Variants in ANKS6 observed in about 807,000 individuals in gnomAD.
ANKS6 encodes the protein ankyrin repeat and sterile alpha motif domain containing 6.
In ANKS6, 47 loss-of-function variants were observed where a neutral mutation model predicts 77.9. That is an observed-to-expected ratio of 0.60 (90% CI 0.48 to 0.77). ANKS6 has a LOEUF of 0.77. ANKS6 is among the 30% of genes least tolerant of loss of function. The pLI, the probability that ANKS6 is intolerant of heterozygous loss-of-function variation, is 0.00. For missense variants in ANKS6, 1,150 were observed against 1,159.1 expected (o/e 0.99, Z 0.11); for synonymous variants, 488 against 501.7 (o/e 0.97, Z 0.37).
chr9:98,773,826 A>T (rs773263950), intron 9 of ANKS6, 51 bp downstream of exon 9: 1 of 1,427,910 alleles, frequency 7.0e-7, no homozygotes, highest in Non-Finnish European at 9.2e-7. Flanking sequence ...ACACACCATG[A>T]TCTCAGTGAG....
At chr9:98,794,893 G>GA (rs1469319837) in intron 1 of ANKS6, among the ~76,000 whole-genome samples, 1 of 152,150 alleles carries the variant, frequency 6.6e-6, no homozygotes, top group African/African-American at 2.4e-5. Flanking sequence ...ACAATCTCCA[G>GA]AAAAGGAACT....
At chr9:98,770,637 T>C (rs1399851892) in intron 10 of ANKS6, among the ~76,000 whole-genome samples, 1 of 151,964 alleles carries the variant, frequency 6.6e-6, no homozygotes, top group Non-Finnish European at 1.5e-5. Flanking sequence ...CTTCCCTTAA[T>C]CTCTTGTAAA....
chr9:98,793,164 G>T (rs1834994480), intron 1 of ANKS6, among the ~76,000 whole-genome samples: 1 of 152,156 alleles, frequency 6.6e-6, no homozygotes, highest in Non-Finnish European at 1.5e-5. Flanking sequence ...TGAAGGGTAG[G>T]GAAGGAAGGT....
Position 98,735,559 on chromosome 9 carries a change from C to G in ANKS6, c.*960G>C. ...AAATTTTCACTTCTTTGCCTAGAAACTTTGAGCACCAGAGACCTTTACACA... is the reference window on the plus strand; with the variant it reads ...AAATTTTCACTTCTTTGCCTAGAAAGTTTGAGCACCAGAGACCTTTACACA... On this transcript the variant is annotated 3_prime_UTR_variant, in exon 15 of 15. Coordinates refer to ENST00000353234, the MANE Select transcript of ANKS6 (RefSeq NM_173551.5). 1 of 1,230,698 alleles carries G rather than the reference C, an allele frequency of 8.1e-7. No individual in the cohort carries two copies. The highest frequency in any genetic ancestry group is 1.0e-6 in the Non-Finnish European group (1 of 987,772). The allele number at this position is 1,230,698 out of a possible 1,614,324, so 76.2% of individuals were successfully genotyped here. A position where few individuals can be genotyped will look rare whatever the true frequency, so the allele number is the denominator to read the frequency against.
At chr9:98,788,613 T>C (rs1283000480) in intron 2 of ANKS6, among the ~76,000 whole-genome samples, 1 of 152,218 alleles carries the variant, frequency 6.6e-6, no homozygotes, top group African/African-American at 2.4e-5. Context: ...GGGCTGAGTA[T>C]CTCACACGCC....
chr9:98,785,044 A>G (rs1564221642), intron 2 of ANKS6, among the ~76,000 whole-genome samples, 168 bp from the exon 3 acceptor site: 1 of 152,338 alleles, frequency 6.6e-6, no homozygotes, highest in Middle Eastern at 3.4e-3. Context: ...TGGAAGGTTT[A>G]TTACCCAAGA....
At chr9:98,782,150 T>A (rs1180328665) in intron 5 of ANKS6, among the ~76,000 whole-genome samples, 3 of 152,222 alleles carry the variant, frequency 2.0e-5, no homozygotes, top group African/African-American at 4.8e-5. Flanking sequence ...GATTTCTGGC[T>A]GTGAAGCACA....
Position 98,734,249 on chromosome 9 carries a change from T to A in ANKS6, c.*2270A>T. 1.0e-6 allele frequency: 1 copy of A among 985,534 alleles called. No individual in the cohort carries two copies. The highest frequency in any genetic ancestry group is 1.2e-6 in the Non-Finnish European group (1 of 830,026). 61.0% of individuals were successfully genotyped at this position (985,534 alleles called of 1,614,324 possible). On this transcript the variant is annotated 3_prime_UTR_variant, in exon 15 of 15. Transcript: ENST00000353234. ...AAGGAAAGGCATTGTCTGGAGCCTC[T>A]GCTGTCCTGTCTGCAAAATGGGAAT...
In ANKS6 at chr9:98,732,799, G is replaced by C. The variant is rs1831271891; in HGVS notation, c.*3720C>G. ...GTCTATGTCCAGTGCTCTTTCCAGG[G>C]TAACAGGTTGCTTCTACTCATTTTA... On this transcript the variant is annotated 3_prime_UTR_variant, in exon 15 of 15. Transcript: ENST00000353234. The C allele has an allele frequency of 9.0e-6, 12 of 1,334,274 alleles. No individual in the cohort carries two copies. The highest frequency in any genetic ancestry group is 2.5e-4 in the Middle Eastern group (1 of 4,038). The allele number at this position is 1,334,274 out of a possible 1,614,324, so 82.7% of individuals were successfully genotyped here.
In ANKS6 at chr9:98,790,194, C is replaced by G. The variant is rs200201069; in HGVS notation, c.772G>C (p.Glu258Gln). The change falls in exon 2 of 15, where the codon GAG becomes CAG. Residue 258 changes from glutamate (E) to glutamine (Q), a missense_variant. Glu to Gln is a conservative substitution (Grantham distance 29, BLOSUM62 2). Transcript: ENST00000353234. The stretch of plus-strand genomic sequence containing the variant: ...AGTGCAACCTCGAAGGCGGTCTTCT[C>G]CAGCACGCTGAGGTGGTCAGGGTTG... ...GANPDHLSVL[E>Q]KTAFEVALDC... The G allele has an allele frequency of 1.7e-4, 268 of 1,604,166 alleles. No homozygotes were observed. The African/African-American group carries it at 3.3e-3, about 20-fold the overall frequency.
chr9:98,780,899 A>G (rs1834210859), intron 5 of ANKS6, among the ~76,000 whole-genome samples: 1 of 147,026 alleles, frequency 6.8e-6, no homozygotes, highest in Admixed American at 6.9e-5. Flanking sequence ...CTTGATGACT[A>G]TTTCTTTTTT....
rs1373961238 is a variant in ANKS6 at position 98,790,114 on chromosome 9, C to A, written c.852G>T (p.Arg284Ser). Residue 284 changes from arginine to serine, a missense_variant, in exon 2 of 15, where the codon AGG becomes AGT. Physicochemically the swap from Arg to Ser is moderately radical, Grantham distance 110 (BLOSUM62 -1). Coordinates refer to ENST00000353234, the MANE Select transcript of ANKS6 (RefSeq NM_173551.5). ...VDYLDPLTTV[R>S]PKTDEEKRRP... ...GGCATGCAGCCTGACCTGTTTTGGGCCTGACGGTGGTCAGCGGGTCCAGGT... is the reference window on the plus strand; with the variant it reads ...GGCATGCAGCCTGACCTGTTTTGGGACTGACGGTGGTCAGCGGGTCCAGGT... 2 of 1,561,546 alleles carry A rather than the reference C, an allele frequency of 1.3e-6. No homozygotes were observed. The highest frequency in any genetic ancestry group is 8.7e-7 in the Non-Finnish European group (1 of 1,145,676).
chr9:98,783,925 T>A (rs1588408183), intron 4 of ANKS6, 28 bp downstream of exon 4: 2 of 1,516,616 alleles, frequency 1.3e-6, no homozygotes, highest in Non-Finnish European at 1.8e-6. Context: ...TCTGGCCTTG[T>A]CGCTGAGGGC....
rs1834172266 is a variant in ANKS6, at chr9:98,780,330, T to A, written c.1227A>T (p.Glu409Asp). Residue 409 changes from glutamate to aspartate, a missense_variant, in exon 6 of 15, where the codon GAA becomes GAT. By Grantham distance (45) the Glu-to-Asp change is conservative. Transcript: ENST00000353234. ...LVMLLNDPDT[E>D]LVRLLASVCM... Reference sequence around the variant, plus strand: ...AGACAGATGCCAGCAGTCGAACAAGTTCCGTGTCTATGGACACAAAAGGCA... The same window carrying A: ...AGACAGATGCCAGCAGTCGAACAAGATCCGTGTCTATGGACACAAAAGGCA... 3.8e-6 allele frequency: 6 copies of A among 1,594,112 alleles called. No individual in the cohort carries two copies. The East Asian group carries it at 1.1e-4, about 30-fold the overall frequency.
At chr9:98,737,217 G>A (rs1281699746) in intron 14 of ANKS6, among the ~76,000 whole-genome samples, 2 of 152,142 alleles carry the variant, frequency 1.3e-5, no homozygotes, top group Non-Finnish European at 2.9e-5. Flanking sequence ...AGGCTCGGAG[G>A]CAGCAATACT....
At chr9:98,785,989 C>CT (rs1451624923) in intron 2 of ANKS6, among the ~76,000 whole-genome samples, 8 of 152,188 alleles carry the variant, frequency 5.3e-5, no homozygotes, top group South Asian at 4.2e-4. Flanking sequence ...CCCCAGAATT[C>CT]TTTTTTTGAG....
chr9:98,795,422 T>A (rs1417976337), intron 1 of ANKS6, among the ~76,000 whole-genome samples: 1 of 152,068 alleles, frequency 6.6e-6, no homozygotes, highest in East Asian at 1.9e-4. Flanking sequence ...ATAGCTAGCG[T>A]TTCTCAGCTC....
intron 10 of ANKS6, among the ~76,000 whole-genome samples, chr9:98,769,433 T>C (rs1833504376): frequency 6.6e-6 from 1 of 152,160 alleles, no homozygotes; most frequent in Non-Finnish European, 1.5e-5. Context: ...GTATTACCTA[T>C]AAAAAGCAAA....
chr9:98,788,152 G>A (rs528820817), intron 2 of ANKS6, among the ~76,000 whole-genome samples: 15 of 152,214 alleles, frequency 9.9e-5, no homozygotes, highest in South Asian at 4.1e-4. Context: ...TGAGGGCATC[G>A]CCATCCCATG....
Sources: allele counts gnomAD v4.1 joint callset (sites outside exome capture counted in the v4.1 genomes callset), GRCh38; gene constraint gnomAD v4.1.1; transcripts MANE v1.5; gene names NCBI Gene and HGNC (gene_info 2026-07-23, HGNC 2026-07-21).